The following CDIN1 variants were observed in gnomAD, a reference collection of about 807,000 sequenced individuals.
CDIN1 encodes CDAN1 interacting nuclease 1.
Under a neutral mutation model 45.3 loss-of-function variants are expected in CDIN1, and 33 were observed. The ratio of observed to expected loss-of-function variants is 0.73; its 90% CI spans 0.55 to 0.97. The LOEUF (loss-of-function observed/expected upper bound fraction) is 0.97, where lower values mean the gene tolerates loss of function less well. Among genes scored for constraint, CDIN1 ranks in the 50% least tolerant of loss-of-function variants. The probability of loss-of-function intolerance (pLI) is 0.00; values close to 1 mark genes in which losing one functional copy is unlikely to be tolerated. For synonymous variants in CDIN1, 118 were observed against 124.4 expected, an observed-to-expected ratio of 0.95 and a Z score of 0.34; for missense variants, 303 against 339.4, an observed-to-expected ratio of 0.89 and a Z score of 0.84.
At chr15:36,666,780 T>C (rs537375052) in intron 5 of CDIN1, among the ~76,000 whole-genome samples, 1 of 152,342 alleles carries the variant, frequency 6.6e-6, no homozygotes, top group South Asian at 2.1e-4. Context: ...GCTGTCAGTT[T>C]TAATGCTTTC....
intron 5 of CDIN1, among the ~76,000 whole-genome samples, chr15:36,686,727 CAAGA>C (rs917118836): frequency 2.7e-5 from 4 of 145,894 alleles, no homozygotes; most frequent in African/African-American, 5.1e-5. Context: ...AAAAAAAATA[CAAGA>C]AAGAAAGAGA....
intron 10 of CDIN1, among the ~76,000 whole-genome samples, chr15:36,765,848 A>G (rs2141011292): frequency 6.6e-6 from 1 of 152,290 alleles, no homozygotes; most frequent in Non-Finnish European, 1.5e-5. Flanking sequence ...CACTACTCCA[A>G]AAGTTTTCTA....
At chr15:36,642,955 A>G (rs1389258356) in intron 1 of CDIN1, among the ~76,000 whole-genome samples, 1 of 152,108 alleles carries the variant, frequency 6.6e-6, no homozygotes, top group East Asian at 1.9e-4. Flanking sequence ...ACCCCAGAAG[A>G]TTATTGTCAG....
chr15:36,774,171 C>T (rs956973386), intron 10 of CDIN1, among the ~76,000 whole-genome samples: 8 of 135,202 alleles, frequency 5.9e-5, no homozygotes, highest in African/African-American at 3.0e-4. Context: ...TGTGCGCGCG[C>T]GCGCATGCAT....
At chr15:36,588,981 A>G (rs1000751066) in intron 1 of CDIN1, among the ~76,000 whole-genome samples, 55 of 152,304 alleles carry the variant, frequency 3.6e-4, no homozygotes, top group African/African-American at 1.3e-3. Context: ...TATTGGCTTT[A>G]TTTAAAAAAT....
intron 10 of CDIN1, among the ~76,000 whole-genome samples, chr15:36,785,796 T>G (rs1216293884): frequency 1.3e-5 from 2 of 152,224 alleles, no homozygotes; most frequent in Non-Finnish European, 2.9e-5. Context: ...ACTGAGAAAC[T>G]GCTTGCCGAA....
intron 1 of CDIN1, among the ~76,000 whole-genome samples, chr15:36,602,270 C>T (rs1264771663): frequency 6.6e-6 from 1 of 152,140 alleles, no homozygotes; most frequent in Non-Finnish European, 1.5e-5. Context: ...TTTTATTTTC[C>T]CTCACATGTA....
At chr15:36,618,422 A>G in intron 1 of CDIN1, 1 of 780,030 alleles carries the variant, frequency 1.3e-6, no homozygotes, top group South Asian at 1.4e-5. Context: ...GGGGCAGGAG[A>G]ACTCTTTTCA....
intron 10 of CDIN1, among the ~76,000 whole-genome samples, chr15:36,803,048 A>G (rs899959480): frequency 5.9e-5 from 9 of 152,004 alleles, no homozygotes; most frequent in Non-Finnish European, 1.3e-4. Flanking sequence ...CCAAACAGCC[A>G]GGGACTCTCA....
Position 36,617,080 on chromosome 15 carries a change from GA to G in CDIN1, c.102-27197del, listed in dbSNP as rs2038931163. The G allele has an allele frequency of 5.1e-6, 4 of 788,692 alleles. No individual in the cohort carries two copies. In the Admixed American group the frequency reaches 6.8e-5, roughly 13 times the overall value. 48.9% of individuals were successfully genotyped at this position (788,692 alleles called of 1,614,324 possible). On this transcript the variant is annotated intron_variant, in intron 1 of 10. Transcript: ENST00000566621. ...GCTGTGGGAACGATTGGGCCGAGCA[GA>G]GGACGACATGTTGTTTTTCGTGGAG...
intron 10 of CDIN1, among the ~76,000 whole-genome samples, chr15:36,795,152 G>A (rs532655314): frequency 6.6e-6 from 1 of 152,152 alleles, no homozygotes; most frequent in Non-Finnish European, 1.5e-5. Flanking sequence ...TTAAGAGGGT[G>A]GGTGGATGAA....
In CDIN1 at chr15:36,692,173, G is replaced by C. The variant is rs765610711; in HGVS notation, c.474G>C (p.Lys158Asn). 6.2e-7 allele frequency: 1 copy of C among 1,613,556 alleles called. No individual in the cohort carries two copies. ...ACGGACCACTAGTGGACTGCATCAA[G>C]CAGTATCCTTTCCCATAAAATTTTA... ...CCYGPLVDCIKHAIGHEHEVL... is the reference protein window; with the variant it reads ...CCYGPLVDCINHAIGHEHEVL... The change falls in exon 7 of 11, where the codon AAG becomes AAC. Residue 158 changes from lysine to asparagine, a missense_variant and splice_region_variant. Coordinates refer to ENST00000566621, the MANE Select transcript of CDIN1 (RefSeq NM_001321759.2).
intron 10 of CDIN1, among the ~76,000 whole-genome samples, chr15:36,800,496 T>C (rs527294213): frequency 1.6e-4 from 24 of 152,292 alleles, no homozygotes; most frequent in South Asian, 1.2e-3. Context: ...ATACTTTGCA[T>C]ATAAACATGT....
intron 10 of CDIN1, among the ~76,000 whole-genome samples, chr15:36,730,892 C>A (rs921050290): frequency 6.6e-6 from 1 of 152,036 alleles, no homozygotes; most frequent in Non-Finnish European, 1.5e-5. Flanking sequence ...TCCTAAATCA[C>A]CTGTTTCATA....
intron 1 of CDIN1, chr15:36,641,332 T>A (rs1595406458): frequency 6.6e-6 from 1 of 152,500 alleles, no homozygotes; most frequent in East Asian, 1.9e-4. Context: ...CCAAGCTCTT[T>A]CCATCTTCCG....
At chr15:36,682,244 G>A (rs1438598163) in intron 5 of CDIN1, among the ~76,000 whole-genome samples, 1 of 152,098 alleles carries the variant, frequency 6.6e-6, no homozygotes, top group African/African-American at 2.4e-5. Context: ...CAGTCTGAAG[G>A]CCAGCAGGCT....
At chr15:36,719,386 T>C (rs2043329620) in intron 10 of CDIN1, among the ~76,000 whole-genome samples, 1 of 152,192 alleles carries the variant, frequency 6.6e-6, no homozygotes, top group African/African-American at 2.4e-5. Context: ...GATGATCATA[T>C]AAGTTTCTTA....
At chr15:36,740,696 C>T (rs1315722355) in intron 10 of CDIN1, among the ~76,000 whole-genome samples, 1 of 152,112 alleles carries the variant, frequency 6.6e-6, no homozygotes, top group Non-Finnish European at 1.5e-5. Flanking sequence ...CGAGACCAGC[C>T]TGACCAACAC....
At chr15:36,736,258 T>C (rs2044014571) in intron 10 of CDIN1, among the ~76,000 whole-genome samples, 1 of 152,142 alleles carries the variant, frequency 6.6e-6, no homozygotes, top group Non-Finnish European at 1.5e-5. Context: ...TTATTACACT[T>C]CTTCCTTTCC....
Sources: allele counts gnomAD v4.1 joint callset (sites outside exome capture counted in the v4.1 genomes callset), GRCh38; gene constraint gnomAD v4.1.1; transcripts MANE v1.5; gene names NCBI Gene and HGNC (gene_info 2026-07-23, HGNC 2026-07-21).